SCN2A: variants seen among roughly 807,000 people sequenced by gnomAD.
SCN2A encodes sodium voltage-gated channel alpha subunit 2.
SCN2A carries 20 observed loss-of-function variants against 188.7 expected under a neutral mutation model. That is an observed-to-expected ratio of 0.11 (90% CI 0.07 to 0.15). The LOEUF is 0.15. Ranked by LOEUF, SCN2A falls within the 10% of genes least tolerant of loss-of-function variation. The pLI is 1.00. For synonymous variants in SCN2A, 804 were observed against 833.1 expected (o/e 0.97, Z 0.60); for missense variants, 1,278 against 2,445.0 (o/e 0.52, Z 10.07).
At chr2:165,387,065 T>C (rs369822124) in intron 26 of SCN2A, 49 bp downstream of exon 26, 376 of 1,577,594 alleles carry the variant, frequency 2.4e-4, no homozygotes, top group Non-Finnish European at 3.1e-4. Flanking sequence ...GGTAAAAATA[T>C]GTGTTTTAAA....
chr2:165,272,491 TTATCA>T (rs1228062421), intron 1 of SCN2A: 2 of 151,988 alleles, frequency 1.3e-5, no homozygotes, highest in African/African-American at 4.8e-5. Context: ...TTGAATAACA[TTATCA>T]GGGATCAAAC....
chr2:165,256,100 G>A (rs1694313122), intron 1 of SCN2A, among the ~76,000 whole-genome samples: 1 of 146,346 alleles, frequency 6.8e-6, no homozygotes, highest in Non-Finnish European at 1.5e-5. Flanking sequence ...CCGCCTCCCG[G>A]GTTCAAACAA....
At chr2:165,310,724 A>G (rs1697380562) in intron 7 of SCN2A, 129 bp downstream of exon 7, 1 of 578,378 alleles carries the variant, frequency 1.7e-6, no homozygotes, top group African/African-American at 1.9e-5. Context: ...TTTAATACAT[A>G]TAAAAGAGAT....
intron 25 of SCN2A, among the ~76,000 whole-genome samples, chr2:165,384,155 A>G (rs1312727892): frequency 6.6e-6 from 1 of 152,148 alleles, no homozygotes; most frequent in East Asian, 1.9e-4. Flanking sequence ...TATGAAAAGA[A>G]CATGGAAATT....
At chr2:165,355,998 CAAAA>C (rs202024678) in intron 17 of SCN2A, among the ~76,000 whole-genome samples, 1 of 116,628 alleles carries the variant, frequency 8.6e-6, no homozygotes. Flanking sequence ...AACTCTGTCT[CAAAA>C]AAAAAAAAAA....
intron 3 of SCN2A, among the ~76,000 whole-genome samples, chr2:165,305,685 C>G (rs1049036231): frequency 6.6e-6 from 1 of 152,146 alleles, no homozygotes; most frequent in Non-Finnish European, 1.5e-5. Context: ...AATATAATCT[C>G]AAATTATCCT....
At chr2:165,312,616 A>G (rs1280563874) in intron 8 of SCN2A, among the ~76,000 whole-genome samples, 1 of 152,070 alleles carries the variant, frequency 6.6e-6, no homozygotes, top group Admixed American at 6.6e-5. Context: ...GGGTATAATA[A>G]TAGGGTTTTT....
chr2:165,289,609 T>C (rs1167612043), intron 1 of SCN2A, among the ~76,000 whole-genome samples: 2 of 152,102 alleles, frequency 1.3e-5, no homozygotes, highest in Non-Finnish European at 2.9e-5. Flanking sequence ...CAGTATGATG[T>C]GATAACAAAG....
chr2:165,266,887 A>T (rs1402752479), intron 1 of SCN2A: 1 of 152,154 alleles, frequency 6.6e-6, no homozygotes, highest in Non-Finnish European at 1.5e-5. Context: ...AACTATTTGC[A>T]AGAGAAGTCA....
chr2:165,334,759 C>G (rs921334466), intron 14 of SCN2A, among the ~76,000 whole-genome samples: 1 of 151,582 alleles, frequency 6.6e-6, no homozygotes, highest in African/African-American at 2.4e-5. Flanking sequence ...ACTGAAAGTT[C>G]TAACCAGGGA....
chr2:165,295,477 C>G (rs1434963871), intron 1 of SCN2A, among the ~76,000 whole-genome samples: 1 of 152,204 alleles, frequency 6.6e-6, no homozygotes, highest in African/African-American at 2.4e-5. Context: ...AACCAGTATC[C>G]TCCATTTCTG....
chr2:165,339,040 T>C (rs1235697675), intron 14 of SCN2A, among the ~76,000 whole-genome samples: 1 of 152,018 alleles, frequency 6.6e-6, no homozygotes, highest in Non-Finnish European at 1.5e-5. Context: ...GCCAACATAG[T>C]GAAACCCCGT....
chr2:165,291,493 T>TCTTTCTTTC (rs1351118747), intron 1 of SCN2A, among the ~76,000 whole-genome samples: 1 of 33,394 alleles, frequency 3.0e-5, no homozygotes, highest in Non-Finnish European at 6.7e-5. Context: ...TTTCTTTCTT[T>TCTTTCTTTC]TCTTTCTTTC....
At chr2:165,380,208 A>G (rs1226098586) in intron 23 of SCN2A, among the ~76,000 whole-genome samples, 1 of 151,858 alleles carries the variant, frequency 6.6e-6, no homozygotes, top group Admixed American at 6.6e-5. Context: ...AAACTGAGTC[A>G]GAGAAAGTAA....
chr2:165,344,204 T>A (rs1699449320), intron 15 of SCN2A, among the ~76,000 whole-genome samples: 1 of 152,138 alleles, frequency 6.6e-6, no homozygotes, highest in Non-Finnish European at 1.5e-5. Context: ...TTAAAAACTG[T>A]ATAATTTAAT....
At chr2:165,334,871 A>C (rs1352970748) in intron 14 of SCN2A, among the ~76,000 whole-genome samples, 1 of 139,868 alleles carries the variant, frequency 7.1e-6, no homozygotes, top group African/African-American at 2.9e-5. Flanking sequence ...CCTATAAAAT[A>C]CACACACACA....
intron 22 of SCN2A, 151 bp from the exon 23 acceptor site, chr2:165,377,446 C>T (rs2105378164): frequency 1.6e-6 from 1 of 611,874 alleles, no homozygotes; most frequent in Non-Finnish European, 2.8e-6. Flanking sequence ...ATGCATATCG[C>T]AAAACATTGC....
At chr2:165,358,038 A>T (rs1045981363) in intron 17 of SCN2A, among the ~76,000 whole-genome samples, 4 of 152,020 alleles carry the variant, frequency 2.6e-5, no homozygotes, top group African/African-American at 9.7e-5. Context: ...ACCCTAACTT[A>T]AAAAAAAGTG....
At chr2:165,364,746 A>G (rs1700636435) in intron 17 of SCN2A, among the ~76,000 whole-genome samples, 1 of 152,340 alleles carries the variant, frequency 6.6e-6, no homozygotes, top group African/African-American at 2.4e-5. Flanking sequence ...ACACTTGTGC[A>G]GCTTTCATTG....
Sources: gnomAD v4.1 joint callset for allele counts (sites outside exome capture counted in the v4.1 genomes callset) on GRCh38, gnomAD v4.1.1 for gene constraint, MANE v1.5 for transcripts, NCBI Gene and HGNC (gene_info 2026-07-23, HGNC 2026-07-21) for gene names.